Variants in PTPRD observed in about 807,000 individuals in gnomAD.
PTPRD encodes the protein receptor-type tyrosine-protein phosphatase delta.
Under a neutral mutation model 214.5 loss-of-function variants are expected in PTPRD, and 34 were observed. The observed-to-expected ratio is 0.16, with a 90% CI of 0.12 to 0.21. PTPRD has a LOEUF of 0.21. Among genes scored for constraint, PTPRD ranks in the 10% least tolerant of loss-of-function variants. The probability of loss-of-function intolerance (pLI) is 1.00; values close to 1 mark genes in which losing one functional copy is unlikely to be tolerated. For synonymous variants in PTPRD, 1,128 were observed against 845.7 expected, an observed-to-expected ratio of 1.33 and a Z score of -5.79; for missense variants, 2,545 against 2,398.7, an observed-to-expected ratio of 1.06 and a Z score of -1.27.
At chr9:8,605,052 T>A (rs1374307651) in intron 14 of PTPRD, among the ~76,000 whole-genome samples, 2 of 152,206 alleles carry the variant, frequency 1.3e-5, no homozygotes, top group African/African-American at 4.8e-5. Flanking sequence ...ATCTATTAGT[T>A]GAATCACTCT....
intron 10 of PTPRD, among the ~76,000 whole-genome samples, chr9:9,106,829 T>C (rs2099799332): frequency 6.6e-6 from 1 of 152,132 alleles, no homozygotes; most frequent in Admixed American, 6.6e-5. Context: ...ATTGGAATTG[T>C]TTTGTTCTAT....
chr9:8,828,278 G>A (rs934885024), intron 11 of PTPRD, among the ~76,000 whole-genome samples: 1 of 152,230 alleles, frequency 6.6e-6, no homozygotes, highest in Non-Finnish European at 1.5e-5. Context: ...TACTCAATGT[G>A]ATGGTATTAG....
chr9:8,625,955 A>G (rs1359065594), intron 14 of PTPRD, among the ~76,000 whole-genome samples: 2 of 151,564 alleles, frequency 1.3e-5, no homozygotes, highest in African/African-American at 4.8e-5. Context: ...TTAATGTGGC[A>G]TTAATTCACA....
At chr9:8,370,644 T>C (rs781454172) in intron 39 of PTPRD, among the ~76,000 whole-genome samples, 3 of 151,994 alleles carry the variant, frequency 2.0e-5, no homozygotes, top group Non-Finnish European at 2.9e-5. Context: ...GGCCAGAATA[T>C]AGCAATGTGG....
rs139417540 is a variant in PTPRD, at chr9:10,468,042, C to T, written c.-599-127025G>A. ...ATGTGGAGAAATAGGAAAACTTTTA[C>T]ACTGTTGGTGGGAGTGTAAATTAGT... On this transcript the variant is annotated intron_variant, in intron 2 of 45. Coordinates refer to ENST00000381196, the MANE Select transcript of PTPRD (RefSeq NM_002839.4). Among the ~76,000 whole-genome samples, 555 of 152,256 alleles carry T rather than the reference C, an allele frequency of 3.6e-3. 5 individuals carry two copies. Among genetic ancestry groups the T allele is most frequent in the African/African-American group, 0.013 (526 of 41,554 alleles).
At chr9:10,590,996 T>C (rs1034740922) in intron 2 of PTPRD, among the ~76,000 whole-genome samples, 3 of 151,904 alleles carry the variant, frequency 2.0e-5, no homozygotes, top group Non-Finnish European at 2.9e-5. Context: ...ATCTTCATAA[T>C]TGACTTTTTT....
chr9:8,388,245 T>C (rs966084585), intron 37 of PTPRD, among the ~76,000 whole-genome samples: 2 of 152,204 alleles, frequency 1.3e-5, no homozygotes, highest in African/African-American at 4.8e-5. Flanking sequence ...AACTTCCATG[T>C]GTTGAGCTTA....
Position 8,500,952 on chromosome 9 carries a change from C to T in PTPRD, c.1930G>A (p.Glu644Lys), listed in dbSNP as rs141683712. ...PVEKQNGIIT[E>K]YSIKYTAVDG... ...ACTGCAGTGTACTTGATGGAGTATT[C>T]AGTGATAATGCCATTCTGTTTTTCC... The change falls in exon 24 of 46, where the codon GAA becomes AAA. Residue 644 changes from glutamate (E) to lysine (K), a missense_variant. By Grantham distance (56) the Glu-to-Lys change is moderately conservative. Coordinates refer to ENST00000381196, the MANE Select transcript of PTPRD (RefSeq NM_002839.4). 5 of 1,614,018 alleles carry T rather than the reference C, an allele frequency of 3.1e-6. No individual in the cohort carries two copies. The highest frequency in any genetic ancestry group is 4.2e-6 in the Non-Finnish European group (5 of 1,179,998).
intron 11 of PTPRD, among the ~76,000 whole-genome samples, chr9:8,812,207 T>C (rs1285041566): frequency 6.6e-6 from 1 of 152,184 alleles, no homozygotes; most frequent in Admixed American, 6.5e-5. Flanking sequence ...AGGTCTTCTG[T>C]GTTACCAAGC....
chr9:9,558,160 G>T (rs989231453), intron 8 of PTPRD, among the ~76,000 whole-genome samples: 5 of 152,128 alleles, frequency 3.3e-5, no homozygotes, highest in African/African-American at 9.7e-5. Flanking sequence ...CGCCCACCAT[G>T]TCAAGCCATG....
chr9:10,398,071 G>A (rs1236486522), intron 2 of PTPRD, among the ~76,000 whole-genome samples: 1 of 151,270 alleles, frequency 6.6e-6, no homozygotes, highest in Non-Finnish European at 1.5e-5. Context: ...TGTGTGTTTA[G>A]CAATTTATAT....
At chr9:10,234,113 G>C (rs955716950) in intron 3 of PTPRD, among the ~76,000 whole-genome samples, 38 of 151,674 alleles carry the variant, frequency 2.5e-4, no homozygotes, top group Admixed American at 7.9e-4. Flanking sequence ...AATTAGCCAA[G>C]CATGATGGCA....
rs114476477 is a variant in PTPRD, at chr9:8,637,029, G to C, written c.65-185C>G. On this transcript the variant is annotated intron_variant, in intron 12 of 45. Transcript: ENST00000381196. ...TTTTGAGGGTAGTTTAAAGGGGAAG[G>C]ACATAACTTTCTGGTTAAGTTATCT... Among the ~76,000 whole-genome samples, 763 of 152,194 alleles carry C rather than the reference G, an allele frequency of 5.0e-3. 12 individuals are homozygous for C. The highest frequency in any genetic ancestry group is 0.018 in the African/African-American group (734 of 41,512).
intron 7 of PTPRD, among the ~76,000 whole-genome samples, chr9:9,633,842 G>A (rs939432272): frequency 3.3e-5 from 5 of 152,064 alleles, no homozygotes; most frequent in Non-Finnish European, 7.4e-5. Flanking sequence ...GTCTTTTCCA[G>A]TGCAAATCAT....
chr9:8,528,282 G>T lies in PTPRD; in HGVS notation c.541+309C>A, dbSNP rs538677287. On this transcript the variant is annotated intron_variant, in intron 15 of 45. Transcript: ENST00000381196. ...AAAACAGAGAAAGAAGAAAGAAAGA[G>T]GAGAAAATGGATCCATCAAATACTG... The T allele has an allele frequency of 4.0e-4, 175 of 432,654 alleles. 1 individual carries two copies. Among genetic ancestry groups the T allele is most frequent in the African/African-American group, 3.5e-3 (171 of 48,914 alleles). The allele number at this position is 432,654 out of a possible 1,614,324, so 26.8% of individuals were successfully genotyped here.
chr9:9,891,524 C>A (rs1021362269), intron 5 of PTPRD, among the ~76,000 whole-genome samples: 4 of 152,040 alleles, frequency 2.6e-5, no homozygotes, highest in Admixed American at 1.3e-4. Flanking sequence ...TATTTACACT[C>A]TTAACAACAC....
chr9:8,814,971 A>T (rs1165418990), intron 11 of PTPRD, among the ~76,000 whole-genome samples: 1 of 152,194 alleles, frequency 6.6e-6, no homozygotes, highest in Non-Finnish European at 1.5e-5. Flanking sequence ...TTTGTCTGAA[A>T]CTACCTCTTC....
At chr9:9,043,057 T>C (rs2099647015) in intron 10 of PTPRD, among the ~76,000 whole-genome samples, 1 of 152,220 alleles carries the variant, frequency 6.6e-6, no homozygotes, top group South Asian at 2.1e-4. Context: ...TTCTTTATAG[T>C]TCTCTTGGTG....
At chr9:8,979,279 C>T (rs775260867) in intron 11 of PTPRD, among the ~76,000 whole-genome samples, 15 of 151,938 alleles carry the variant, frequency 9.9e-5, no homozygotes, top group Non-Finnish European at 1.9e-4. Context: ...AACAATAAAC[C>T]TAACAGATAA....
Sources: allele counts gnomAD v4.1 joint callset (sites outside exome capture counted in the v4.1 genomes callset), GRCh38; gene constraint gnomAD v4.1.1; transcripts MANE v1.5; gene names NCBI Gene and HGNC (gene_info 2026-07-23, HGNC 2026-07-21).